TNRC6B: variants seen among roughly 807,000 people sequenced by gnomAD.
TNRC6B encodes trinucleotide repeat-containing gene 6B protein.
In TNRC6B, 52 loss-of-function variants were observed where a neutral mutation model predicts 203.6. The observed-to-expected ratio is 0.26, with a 90% confidence interval of 0.20 to 0.32. TNRC6B has a LOEUF of 0.32. Ranked by LOEUF, TNRC6B falls within the 10% of genes least tolerant of loss-of-function variation. The pLI, the probability that TNRC6B is intolerant of heterozygous loss-of-function variation, is 1.00. For missense variants in TNRC6B, 1,923 were observed against 2,286.2 expected (o/e 0.84, Z 3.24); for synonymous variants, 838 against 845.7 (o/e 0.99, Z 0.16).
At chr22:40,198,035 T>A (rs1159302718) in intron 1 of TNRC6B, among the ~76,000 whole-genome samples, 1 of 152,148 alleles carries the variant, frequency 6.6e-6, no homozygotes. Context: ...TTTTAAAGGA[T>A]CTAAACTGTA....
chr22:40,247,257 C>G (rs1038021265), intron 2 of TNRC6B, among the ~76,000 whole-genome samples: 1 of 152,052 alleles, frequency 6.6e-6, no homozygotes, highest in African/African-American at 2.4e-5. Flanking sequence ...GGGAAAGGTT[C>G]GAGGGTCCCT....
Position 40,273,794 on chromosome 22 carries a change from G to A in TNRC6B, c.3141+194G>A, listed in dbSNP as rs150405801. ...TCCCACCTCAGCCTTCTTAGTAGCCGGAACTATCACCATGCCTGGCTAAAT... is the reference window on the plus strand; with the variant it reads ...TCCCACCTCAGCCTTCTTAGTAGCCAGAACTATCACCATGCCTGGCTAAAT... On this transcript the variant is annotated intron_variant, in intron 7 of 22. Transcript: ENST00000454349. Among the ~76,000 whole-genome samples the A allele has an allele frequency of 2.8e-3, 423 of 152,138 alleles. 1 individual carries two copies. Among genetic ancestry groups the A allele is most frequent in the African/African-American group, 9.5e-3 (395 of 41,498 alleles).
chr22:40,268,542 CCTG>C, intron 5 of TNRC6B, among the ~76,000 whole-genome samples: 1 of 152,206 alleles, frequency 6.6e-6, no homozygotes, highest in African/African-American at 2.4e-5. Context: ...CAGAATAAAA[CCTG>C]CTAAAATTTT....
intron 19 of TNRC6B, among the ~76,000 whole-genome samples, 169 bp from the exon 20 acceptor site, chr22:40,315,114 T>G (rs1265565721): frequency 6.6e-6 from 1 of 152,236 alleles, no homozygotes; most frequent in East Asian, 1.9e-4. Flanking sequence ...ATGTTCGTTA[T>G]GCTCTAAGAA....
In TNRC6B at chr22:40,256,380, T is replaced by C. The variant is rs1017392302; in HGVS notation, c.115+5180T>C. Among the ~76,000 whole-genome samples, 7 of 152,228 alleles carry C rather than the reference T, an allele frequency of 4.6e-5. No individual in the cohort carries two copies. The East Asian group carries it at 7.7e-4, about 17-fold the overall frequency. On this transcript the variant is annotated intron_variant, in intron 3 of 22. Transcript: ENST00000454349. The stretch of plus-strand genomic sequence containing the variant: ...TGTTTTGTTTTTAAGCCACTACTTA[T>C]GGCCAAATTCATTTGCCATTCTCCA...
chr22:40,135,709 G>A (rs188817147), intron 3 of TNRC6B, among the ~76,000 whole-genome samples: 38 of 152,174 alleles, frequency 2.5e-4, no homozygotes, highest in Non-Finnish European at 1.8e-4. Flanking sequence ...CACTATGTTG[G>A]CCAGGCTGGT....
chr22:40,214,414 A>G (rs1396444869), intron 1 of TNRC6B, among the ~76,000 whole-genome samples: 2 of 152,156 alleles, frequency 1.3e-5, no homozygotes, highest in Non-Finnish European at 2.9e-5. Flanking sequence ...AAATCTGAAT[A>G]AGGTTGGTAG....
At chr22:40,099,292 A>G (rs1168884649) in intron 1 of TNRC6B, among the ~76,000 whole-genome samples, 1 of 152,112 alleles carries the variant, frequency 6.6e-6, no homozygotes, top group East Asian at 1.9e-4. Flanking sequence ...ACAGTAAGGA[A>G]TATATAGCTT....
chr22:40,322,164 A>G (rs959065141), intron 22 of TNRC6B, among the ~76,000 whole-genome samples: 3 of 152,224 alleles, frequency 2.0e-5, no homozygotes, highest in Non-Finnish European at 4.4e-5. Context: ...GGGGAAAGAA[A>G]GAGACCATAT....
At chr22:40,237,951 A>G (rs2069970932) in intron 1 of TNRC6B, among the ~76,000 whole-genome samples, 1 of 151,860 alleles carries the variant, frequency 6.6e-6, no homozygotes, top group Non-Finnish European at 1.5e-5. Context: ...GCCCAGTCTT[A>G]TATCCTGATT....
At chr22:40,222,168 T>A (rs529579963) in intron 1 of TNRC6B, among the ~76,000 whole-genome samples, 20 of 152,110 alleles carry the variant, frequency 1.3e-4, no homozygotes, top group Non-Finnish European at 2.9e-4. Context: ...CCCTGGAACC[T>A]CTTACTTACC....
chr22:40,162,251 G>A (rs751522426), intron 4 of TNRC6B, among the ~76,000 whole-genome samples: 18 of 152,036 alleles, frequency 1.2e-4, no homozygotes, highest in Non-Finnish European at 2.2e-4. Context: ...ACGCCACCAC[G>A]CCTGGCTAAT....
intron 21 of TNRC6B, among the ~76,000 whole-genome samples, chr22:40,319,271 TAA>T (rs574303341): frequency 4.2e-5 from 6 of 142,366 alleles, no homozygotes; most frequent in Non-Finnish European, 3.1e-5. Flanking sequence ...TCTCTGAATT[TAA>T]AAAAAAAAAA....
chr22:40,210,962 C>T (rs1458627392), intron 1 of TNRC6B, among the ~76,000 whole-genome samples: 2 of 152,130 alleles, frequency 1.3e-5, no homozygotes, highest in Non-Finnish European at 2.9e-5. Flanking sequence ...ACAAATGTCT[C>T]TATATATTGT....
chr22:40,212,688 T>C (rs923639514), intron 1 of TNRC6B, among the ~76,000 whole-genome samples: 2 of 152,218 alleles, frequency 1.3e-5, no homozygotes, highest in African/African-American at 4.8e-5. Context: ...TTTTATTTTT[T>C]GAGACACAGT....
In TNRC6B at chr22:40,265,069, G is replaced by A. The variant is rs773762291; in HGVS notation, c.839G>A (p.Gly280Glu). 9.9e-6 allele frequency: 16 copies of A among 1,614,006 alleles called. No homozygotes were observed. The highest frequency in any genetic ancestry group is 8.8e-5 in the South Asian group (8 of 91,080). The change falls in exon 5 of 23, where the codon GGA becomes GAA. Residue 280 changes from glycine to glutamate, a missense_variant. Transcript: ENST00000454349. ...AACTCTACTACAGAGAACAACAATGGACTAGGAAATTGGAGGAATGTGAGT... is the reference window on the plus strand; with the variant it reads ...AACTCTACTACAGAGAACAACAATGAACTAGGAAATTGGAGGAATGTGAGT... ...SSNSTTENNN[G>E]LGNWRNVSGQ... is the part of the protein sequence containing the mutation.
At position 40,301,354 on chromosome 22, in the gene TNRC6B, A is replaced by G. The variant is rs373962182; in HGVS notation, c.4120+21A>G. On this transcript the variant is annotated intron_variant, in intron 15 of 22. Coordinates refer to ENST00000454349, the MANE Select transcript of TNRC6B (RefSeq NM_001162501.2). ...TTCTGGTAAGTTGTTGGTAGAGAAAATTACCTTTTTAGAAATCTACCTCTC... is the reference window on the plus strand; with the variant it reads ...TTCTGGTAAGTTGTTGGTAGAGAAAGTTACCTTTTTAGAAATCTACCTCTC... 1.3e-5 allele frequency: 20 copies of G among 1,598,488 alleles called. No individual in the cohort carries two copies. In the African/African-American group the frequency reaches 2.3e-4, roughly 18 times the overall value.
chr22:40,073,324 T>A (rs989688143), intron 1 of TNRC6B, among the ~76,000 whole-genome samples: 7 of 152,144 alleles, frequency 4.6e-5, no homozygotes, highest in African/African-American at 1.7e-4. Context: ...CTCTTTGTCT[T>A]CCTTTAGGGA....
At chr22:40,285,565 G>T in intron 11 of TNRC6B, 80 bp from the exon 12 acceptor site, 2 of 1,498,590 alleles carry the variant, frequency 1.3e-6, no homozygotes, top group Non-Finnish European at 1.8e-6. Flanking sequence ...TCTTCTGAGG[G>T]ATCTAAAAGA....
Sources: gnomAD v4.1 joint callset for allele counts (sites outside exome capture counted in the v4.1 genomes callset) on GRCh38, gnomAD v4.1.1 for gene constraint, MANE v1.5 for transcripts, NCBI Gene and HGNC (gene_info 2026-07-23, HGNC 2026-07-21) for gene names.